The following ARAP3 variants were observed in gnomAD, a reference collection of about 807,000 sequenced individuals.
The protein encoded by ARAP3 is arf-GAP with Rho-GAP domain, ANK repeat and PH domain-containing protein 3.
Under a neutral mutation model 169.2 loss-of-function variants are expected in ARAP3, and 82 were observed. The observed-to-expected ratio is 0.48, with a 90% confidence interval of 0.41 to 0.58. The LOEUF (loss-of-function observed/expected upper bound fraction) is 0.58, where lower values mean the gene tolerates loss of function less well. Ranked by LOEUF, ARAP3 falls within the 20% of genes least tolerant of loss-of-function variation. ARAP3 has a pLI of 0.00. For synonymous variants in ARAP3, 791 were observed against 800.3 expected, an observed-to-expected ratio of 0.99 and a Z score of 0.20; for missense variants, 1,764 against 2,018.0, an observed-to-expected ratio of 0.87 and a Z score of 2.41.
chr5:141,669,648 A>G (rs2099911168), intron 16 of ARAP3, 61 bp downstream of exon 16: 8 of 1,488,202 alleles, frequency 5.4e-6, no homozygotes, highest in South Asian at 4.5e-5. Flanking sequence ...AGAGGAGAAG[A>G]TGGGAGCACG....
chr5:141,661,812 T>G (rs544269678), intron 20 of ARAP3, 23 bp from the exon 21 acceptor site: 3 of 1,612,296 alleles, frequency 1.9e-6, no homozygotes, highest in East Asian at 2.2e-5. Context: ...TGGAGGAGGG[T>G]TGGGGAGGAC....
intron 6 of ARAP3, 98 bp downstream of exon 6, chr5:141,673,303 G>C (rs440279): frequency 0.66 from 1,015,136 of 1,541,816 alleles, 336,768 homozygotes; most frequent in African/African-American, 0.81. Flanking sequence ...TCACTGCCCC[G>C]CCCACACACA....
In ARAP3 at chr5:141,671,777, C is replaced by T. The variant is rs1385470616; in HGVS notation, c.1672-25G>A. ...ACTGTGGGATGACAAGGGACAAAGG[C>T]AGGTGACAGGAACTCAAGAGTCCTC... On this transcript the variant is annotated intron_variant, in intron 11 of 32. Transcript: ENST00000239440. The surrounding 1 kb of genome is among the most constrained non-coding windows in gnomAD (Gnocchi z 4.9). 2.5e-6 allele frequency: 4 copies of T among 1,596,806 alleles called. No individual in the cohort carries two copies. The African/African-American group carries it at 5.4e-5, about 21-fold the overall frequency.
Position 141,655,657 on chromosome 5 carries a change from G to C in ARAP3, c.4074C>G (p.Asp1358Glu). The change falls in exon 31 of 33, where the codon GAC becomes GAG. Residue 1358 changes from aspartate to glutamate, a missense_variant. Around this residue, in one of 3 missense-constraint regions of ARAP3, gnomAD observed 1,112 missense variants for 1,285.7 expected, o/e 0.86. Coordinates refer to ENST00000239440, the MANE Select transcript of ARAP3 (RefSeq NM_022481.6). ...TGGCAGAGAGGAGGGTGGCTCCACT[G>C]TCATCCCCACGGATAGGCAGCAAAG... is the stretch of plus-strand genomic sequence containing the variant. ...TMPLLPIRGDDSGATLLSANQ... is the reference protein window; with the variant it reads ...TMPLLPIRGDESGATLLSANQ... The C allele has an allele frequency of 6.2e-7, 1 of 1,614,204 alleles. No individual in the cohort carries two copies. Among genetic ancestry groups the C allele is most frequent in the Non-Finnish European group, 8.5e-7 (1 of 1,180,026 alleles).
rs1471111826 is a variant in ARAP3 at position 141,673,735 on chromosome 5, G to A, written c.772C>T (p.Leu258Phe). ...ASLELPGDST[L>F]LSPTLETEET... ...TCTGTTTCCAGGGTGGGCGATAAGA[G>A]GGTGGAGTCTCCAGGTAGCTCAAGG... The change falls in exon 5 of 33, where the codon CTC becomes TTC. Residue 258 changes from leucine to phenylalanine, a missense_variant. Physicochemically the swap from Leu to Phe is conservative, Grantham distance 22. This residue lies in a region of ARAP3 where 630 missense variants were observed against 678.7 expected (regional missense o/e 0.93). Transcript: ENST00000239440. The A allele has an allele frequency of 1.2e-6, 2 of 1,614,104 alleles. No individual in the cohort carries two copies. Among genetic ancestry groups the A allele is most frequent in the East Asian group, 2.2e-5 (1 of 44,890 alleles).
At position 141,671,302 on chromosome 5, in the gene ARAP3, T is replaced by TG. The variant is rs1225517469; in HGVS notation, c.1952dup (p.Ala652SerfsTer3). 6.2e-7 allele frequency: 1 copy of TG among 1,613,234 alleles called. No individual in the cohort carries two copies. The highest frequency in any genetic ancestry group is 8.5e-7 in the Non-Finnish European group (1 of 1,179,646). On this transcript the variant is annotated frameshift_variant, in exon 13 of 33. Transcript: ENST00000239440. LOFTEE classifies it high-confidence loss of function. The surrounding 1 kb of genome is among the most constrained non-coding windows in gnomAD (Gnocchi z 4.9). The stretch of plus-strand genomic sequence containing the variant: ...GGCCAGGGCAGCTGCCATCAGGGGC[T>TG]GGGGGGAACCAGGGCTCCTCGCCTT...
rs1562399640 is a variant in ARAP3, at chr5:141,654,143, AGG to A, written c.4440_4441del (p.Leu1481ArgfsTer71). On this transcript the variant is annotated frameshift_variant, in exon 33 of 33. Coordinates refer to ENST00000239440, the MANE Select transcript of ARAP3 (RefSeq NM_022481.6). LOFTEE classifies it high-confidence loss of function. ...GAGCTCCTGGAGCAGCTGTTCCTCTAGGGACCCCCGTGCCTGGGGACTGCTCT... is the reference window on the plus strand; with the variant it reads ...GAGCTCCTGGAGCAGCTGTTCCTCTAGACCCCCGTGCCTGGGGACTGCTCT... The A allele has an allele frequency of 6.2e-7, 1 of 1,613,202 alleles. No homozygotes were observed. The highest frequency in any genetic ancestry group is 2.2e-5 in the East Asian group (1 of 44,866).
rs759439540 is a variant in ARAP3 at position 141,655,938 on chromosome 5, G to A, written c.3909-6C>T. ...CGTCAGTGCAGGACAAGTAGCTGGG[G>A]TGATCAGAATGGAATCAGAGGGAGA... On this transcript the variant is annotated splice_polypyrimidine_tract_variant and splice_region_variant and intron_variant, in intron 29 of 32. Coordinates refer to ENST00000239440, the MANE Select transcript of ARAP3 (RefSeq NM_022481.6). The A allele has an allele frequency of 5.6e-6, 9 of 1,614,060 alleles. No individual in the cohort carries two copies. The South Asian group carries it at 6.6e-5, about 12-fold the overall frequency.
chr5:141,672,521 C>T lies in ARAP3; in HGVS notation c.1385+31G>A, dbSNP rs774673404. ...CCTTGTGCCTCCCGCAAAAGTCCCC[C>T]AGCCTTGCCTCCCACTGGCCCAGGC... On this transcript the variant is annotated intron_variant, in intron 9 of 32. Coordinates refer to ENST00000239440, the MANE Select transcript of ARAP3 (RefSeq NM_022481.6). This position sits in a 1 kb window ranked among gnomAD's most constrained non-coding sequence, Gnocchi z 4.9. The T allele has an allele frequency of 1.2e-6, 2 of 1,611,492 alleles. No individual in the cohort carries two copies. The highest frequency in any genetic ancestry group is 1.7e-6 in the Non-Finnish European group (2 of 1,178,684).
At chr5:141,663,078 CTT>C (rs2099910174) in intron 19 of ARAP3, among the ~76,000 whole-genome samples, 1 of 152,160 alleles carries the variant, frequency 6.6e-6, no homozygotes, top group Admixed American at 6.5e-5. Context: ...TTTGCAGTGA[CTT>C]AGAGCATAAC....
chr5:141,655,399 C>T lies in ARAP3; in HGVS notation c.4112G>A (p.Arg1371Gln), dbSNP rs754729678. The T allele has an allele frequency of 8.8e-6, 14 of 1,586,956 alleles. No homozygotes were observed. Among genetic ancestry groups the T allele is most frequent in the African/African-American group, 2.7e-5 (2 of 74,332 alleles). Residue 1371 changes from arginine (R) to glutamine (Q), a missense_variant and splice_region_variant, in exon 32 of 33, where the codon CGG (arginine) becomes CAG (glutamine). Around this residue, in one of 3 missense-constraint regions of ARAP3, gnomAD observed 1,112 missense variants for 1,285.7 expected, o/e 0.86. Coordinates refer to ENST00000239440, the MANE Select transcript of ARAP3 (RefSeq NM_022481.6). ...ATLLSANQTLRRLHNRRTLSM... is the reference protein window; with the variant it reads ...ATLLSANQTLQRLHNRRTLSM... ...CAGGGTCCTCCGGTTGTGTAGTCGC[C>T]GCTGGACACAGGTGGGGTGGGGACA...
intron 16 of ARAP3, among the ~76,000 whole-genome samples, chr5:141,667,000 C>T (rs1257642321): frequency 6.6e-6 from 1 of 152,134 alleles, no homozygotes; most frequent in South Asian, 2.1e-4. Context: ...CCTCGACCTC[C>T]CCCAGCTCAG....
rs1314517424 is a variant in ARAP3 at position 141,662,185 on chromosome 5, G to T, written c.2871C>A (p.Phe957Leu). Residue 957 changes from phenylalanine to leucine, a missense_variant, in exon 20 of 33, where the codon TTC (phenylalanine) becomes TTA (leucine). By Grantham distance (22) the Phe-to-Leu change is conservative. Transcript: ENST00000239440. ...GCTTCACCGACCGGGCATCCCGACG[G>T]AACTCAGCCAGGAGTCTCAGGCTGC... ...RARSLRLLAE[F>L]RRDARSVKLR... 6.2e-7 allele frequency: 1 copy of T among 1,614,242 alleles called. No homozygotes were observed. The highest frequency in any genetic ancestry group is 2.2e-5 in the East Asian group (1 of 44,886).
intron 4 of ARAP3, among the ~76,000 whole-genome samples, chr5:141,675,161 C>G (rs117558141): frequency 1.2e-4 from 18 of 152,204 alleles, no homozygotes; most frequent in African/African-American, 4.3e-4. Flanking sequence ...GCCTTCCATG[C>G]TTCCCTGGGC....
In ARAP3 at chr5:141,656,608, GCCCCAC is replaced by G; in HGVS notation, c.3679_3684del (p.Val1227_Gly1228del). 1 of 1,613,396 alleles carries G rather than the reference GCCCCAC, an allele frequency of 6.2e-7. No homozygotes were observed. Among genetic ancestry groups the G allele is most frequent in the Non-Finnish European group, 8.5e-7 (1 of 1,179,720 alleles). On this transcript the variant is annotated inframe_deletion, in exon 27 of 33. Transcript: ENST00000239440. ...GGTGGCTCCTCACGACACCGCAACA[GCCCCAC>G]CCGTGGGCTCTCACGTCGGATACCT...
chr5:141,655,326 TGACAGGCACACC>T (rs2099909134), intron 32 of ARAP3, 24 bp downstream of exon 32: 1 of 1,562,562 alleles, frequency 6.4e-7, no homozygotes, highest in African/African-American at 1.4e-5. Context: ...AATACAGGGT[TGACAGGCACACC>T]GCTGGAGCAG....
chr5:141,656,446 G>C, intron 27 of ARAP3, 58 bp downstream of exon 27: 1 of 1,589,412 alleles, frequency 6.3e-7, no homozygotes, highest in Non-Finnish European at 8.6e-7. Flanking sequence ...GGTGGGTGCA[G>C]TCATGGCTCC....
chr5:141,675,415 AAAAAT>A (rs1296958476), intron 4 of ARAP3, among the ~76,000 whole-genome samples: 7 of 152,122 alleles, frequency 4.6e-5, no homozygotes, highest in African/African-American at 1.7e-4. Context: ...CCAGCCTAAA[AAAAAT>A]AAAATAAAAA....
In ARAP3 at chr5:141,653,703, A is replaced by T. The variant is rs1185450496; in HGVS notation, c.*247T>A. The T allele has an allele frequency of 2.5e-6, 1 of 397,262 alleles. No homozygotes were observed. Among genetic ancestry groups the T allele is most frequent in the Non-Finnish European group, 4.4e-6 (1 of 226,706 alleles). The allele number at this position is 397,262 out of a possible 1,614,324, so 24.6% of individuals were successfully genotyped here. A position where few individuals can be genotyped will look rare whatever the true frequency, so the allele number is the denominator to read the frequency against. ...TGGGGCTTATGGCTCTAAGAAACAC[A>T]GTTTGACATTCACTGCTCTCCTTAC... On this transcript the variant is annotated 3_prime_UTR_variant, in exon 33 of 33. Transcript: ENST00000239440.
Sources: allele counts gnomAD v4.1 joint callset (sites outside exome capture counted in the v4.1 genomes callset), GRCh38; gene constraint gnomAD v4.1.1; regional missense constraint gnomAD v4.1.1; non-coding constraint Gnocchi (gnomAD v3.1); transcripts MANE v1.5; gene names NCBI Gene and HGNC (gene_info 2026-07-23, HGNC 2026-07-21).